The following APCDD1L variants were observed in gnomAD, a reference collection of about 807,000 sequenced individuals.
APCDD1L encodes the protein APC down-regulated 1 like.
A neutral mutation model predicts 24.2 loss-of-function variants in APCDD1L; 21 were observed. That is an observed-to-expected ratio of 0.87 (90% CI 0.61 to 1.25). The LOEUF is 1.25. APCDD1L is among the 50% of genes most tolerant of loss of function. The probability of loss-of-function intolerance (pLI) is 0.00; values close to 1 mark genes in which losing one functional copy is unlikely to be tolerated. For missense variants in APCDD1L, 704 were observed against 711.7 expected, an observed-to-expected ratio of 0.99 and a Z score of 0.12; for synonymous variants, 321 against 323.6, an observed-to-expected ratio of 0.99 and a Z score of 0.09.
chr20:58,475,714 G>A (rs1287490889), intron 1 of APCDD1L, among the ~76,000 whole-genome samples: 1 of 152,054 alleles, frequency 6.6e-6, no homozygotes, highest in Non-Finnish European at 1.5e-5. Context: ...TGAAGCAACA[G>A]GAGTCGATCC....
intron 3 of APCDD1L, among the ~76,000 whole-genome samples, 168 bp downstream of exon 3, chr20:58,466,938 C>T (rs929706414): frequency 1.3e-5 from 2 of 152,202 alleles, no homozygotes; most frequent in South Asian, 2.1e-4. Context: ...GAACAGGGTG[C>T]GCAAATGTCC....
Position 58,497,119 on chromosome 20 carries a change from G to T in APCDD1L, c.49+17540C>A, listed in dbSNP as rs1188970464. 6.6e-6 allele frequency among the ~76,000 whole-genome samples: 1 copy of T among 151,970 alleles called. No homozygotes were observed. The highest frequency in any genetic ancestry group is 1.9e-4 in the East Asian group (1 of 5,172). ...GAAAGACAGGGCTCCAGGGTCAGCA[G>T]CGTGGACACCAGAGGTCACAAGATG... is the stretch of plus-strand genomic sequence containing the variant. On this transcript the variant is annotated intron_variant, in intron 1 of 3. Transcript: ENST00000371149. This position sits in a 1 kb window ranked among gnomAD's most constrained non-coding sequence, Gnocchi z 4.3.
chr20:58,477,737 T>C (rs543965968), intron 1 of APCDD1L, among the ~76,000 whole-genome samples: 1 of 152,360 alleles, frequency 6.6e-6, no homozygotes, highest in South Asian at 2.1e-4. Context: ...ACAATTATTA[T>C]TGGTGGTGTT....
At chr20:58,495,114 C>A (rs1382808153) in intron 1 of APCDD1L, among the ~76,000 whole-genome samples, 1 of 152,178 alleles carries the variant, frequency 6.6e-6, no homozygotes, top group South Asian at 2.1e-4. Flanking sequence ...CTCCTTCAGC[C>A]AAAGGGAGGG....
At position 58,497,848 on chromosome 20, in the gene APCDD1L, A is replaced by C. The variant is rs1000562754; in HGVS notation, c.49+16811T>G. On this transcript the variant is annotated intron_variant, in intron 1 of 3. Transcript: ENST00000371149. The surrounding 1 kb of genome is among the most constrained non-coding windows in gnomAD (Gnocchi z 4.3). Reference sequence around the variant, plus strand: ...GTGCGGCCTCTATTAATAGATTCTCATATTAAAAGCTAAGTCTCATGCAGA... The same window carrying C: ...GTGCGGCCTCTATTAATAGATTCTCCTATTAAAAGCTAAGTCTCATGCAGA... 6.6e-6 allele frequency among the ~76,000 whole-genome samples: 1 copy of C among 152,308 alleles called. No individual in the cohort carries two copies. Among genetic ancestry groups the C allele is most frequent in the Non-Finnish European group, 1.5e-5 (1 of 68,032 alleles).
intron 1 of APCDD1L, among the ~76,000 whole-genome samples, chr20:58,483,479 C>T (rs958535224): frequency 1.3e-5 from 2 of 152,180 alleles, no homozygotes; most frequent in Non-Finnish European, 2.9e-5. Context: ...TCTATTTTGA[C>T]TCAATTCAAT....
At position 58,461,452 on chromosome 20, in the gene APCDD1L, C is replaced by T. The variant is rs567309682; in HGVS notation, c.844G>A (p.Gly282Ser). 6.3e-5 allele frequency: 95 copies of T among 1,500,576 alleles called. No homozygotes were observed. Among genetic ancestry groups the T allele is most frequent in the Middle Eastern group, 3.8e-4 (2 of 5,314 alleles). The allele number at this position is 1,500,576 out of a possible 1,614,324, so 93.0% of individuals were successfully genotyped here. The change falls in exon 4 of 4, where the codon GGC (glycine) becomes AGC (serine). Residue 282 changes from glycine to serine, a missense_variant. By Grantham distance (56) the Gly-to-Ser change is moderately conservative. Coordinates refer to ENST00000371149, the MANE Select transcript of APCDD1L (RefSeq NM_153360.3). The surrounding 1 kb of genome is among the most constrained non-coding windows in gnomAD (Gnocchi z 6.0). ...PPLALPLHLGGWWVSSGCEVR... is the reference protein window; with the variant it reads ...PPLALPLHLGSWWVSSGCEVR... ...TCGCACCCCGAGCTGACCCACCAGC[C>T]GCCCAGGTGCAGGGGCAGGGCCAGA...
chr20:58,511,808 T>C (rs552281941), intron 1 of APCDD1L, among the ~76,000 whole-genome samples: 1 of 152,302 alleles, frequency 6.6e-6, no homozygotes, highest in African/African-American at 2.4e-5. Flanking sequence ...TATTATGGAA[T>C]AGCTTGTGAT....
chr20:58,501,969 C>T (rs1341501040), intron 1 of APCDD1L, among the ~76,000 whole-genome samples: 4 of 152,236 alleles, frequency 2.6e-5, no homozygotes, highest in Admixed American at 2.0e-4. Context: ...TAGGACTGGG[C>T]TGCAATGTGG....
chr20:58,476,603 A>G (rs903465634), intron 1 of APCDD1L, among the ~76,000 whole-genome samples: 1 of 152,254 alleles, frequency 6.6e-6, no homozygotes, highest in Non-Finnish European at 1.5e-5. Context: ...ACATTAATCA[A>G]ATAGACTCAC....
chr20:58,493,930 A>G (rs1990271431), intron 1 of APCDD1L, among the ~76,000 whole-genome samples: 1 of 152,254 alleles, frequency 6.6e-6, no homozygotes, highest in Non-Finnish European at 1.5e-5. Context: ...AATAGTCTAC[A>G]GTTAACCAGA....
chr20:58,460,755 T>G lies in APCDD1L; in HGVS notation c.*35A>C. 1 of 1,507,292 alleles carries G rather than the reference T, an allele frequency of 6.6e-7. No individual in the cohort carries two copies. Among genetic ancestry groups the G allele is most frequent in the Non-Finnish European group, 8.9e-7 (1 of 1,128,064 alleles). 93.4% of individuals were successfully genotyped at this position (1,507,292 alleles called of 1,614,324 possible). On this transcript the variant is annotated 3_prime_UTR_variant, in exon 4 of 4. Coordinates refer to ENST00000371149, the MANE Select transcript of APCDD1L (RefSeq NM_153360.3). This position sits in a 1 kb window ranked among gnomAD's most constrained non-coding sequence, Gnocchi z 4.2. ...GAGGGAGTCTGAAGGGTTGAATGGG[T>G]GTCCAGAGCCGCCATCCTGATGTCA... is the stretch of plus-strand genomic sequence containing the variant.
chr20:58,463,545 TCTC>T (rs1989653195), intron 3 of APCDD1L, among the ~76,000 whole-genome samples: 2 of 152,162 alleles, frequency 1.3e-5, no homozygotes, highest in Non-Finnish European at 2.9e-5. Flanking sequence ...TTCTTCTCCT[TCTC>T]CTATTTTATT....
Position 58,461,249 on chromosome 20 carries a change from G to A in APCDD1L, c.1047C>T (p.Thr349=), listed in dbSNP as rs143309706. 22 of 1,613,344 alleles carry A rather than the reference G, an allele frequency of 1.4e-5. No homozygotes were observed. Among genetic ancestry groups the A allele is most frequent in the African/African-American group, 5.3e-5 (4 of 74,874 alleles). Residue 349 remains threonine (T), a synonymous_variant, in exon 4 of 4, where the codon ACC becomes ACT. Transcript: ENST00000371149. The surrounding 1 kb of genome is among the most constrained non-coding windows in gnomAD (Gnocchi z 6.0). ...CCCGTGTGACCTCAAACACCAGCTC[G>A]GTGCCGCCGCGGACCCTGGTGGATG... is the stretch of plus-strand genomic sequence containing the variant. ...GTPSTRVRGG[T]ELVFEVTRAH...
intron 1 of APCDD1L, among the ~76,000 whole-genome samples, chr20:58,507,048 C>T (rs1169902941): frequency 6.6e-6 from 1 of 152,104 alleles, no homozygotes; most frequent in Non-Finnish European, 1.5e-5. Context: ...ATTGTAACTC[C>T]CACAATTCCC....
chr20:58,478,929 G>T (rs1387091642), intron 1 of APCDD1L, among the ~76,000 whole-genome samples: 2 of 152,052 alleles, frequency 1.3e-5, no homozygotes, highest in African/African-American at 4.8e-5. Context: ...GTGAGCATCA[G>T]ATCATGTCAC....
At chr20:58,486,085 A>G (rs1990113100) in intron 1 of APCDD1L, among the ~76,000 whole-genome samples, 1 of 152,244 alleles carries the variant, frequency 6.6e-6, no homozygotes, top group African/African-American at 2.4e-5. Flanking sequence ...CACCCAATAC[A>G]CAAGTAAGCA....
At chr20:58,476,391 A>G (rs1989910325) in intron 1 of APCDD1L, among the ~76,000 whole-genome samples, 1 of 152,166 alleles carries the variant, frequency 6.6e-6, no homozygotes, top group African/African-American at 2.4e-5. Context: ...GGGTTTCACC[A>G]TGTTAGCCAG....
intron 1 of APCDD1L, among the ~76,000 whole-genome samples, chr20:58,480,602 A>G (rs980591789): frequency 2.0e-5 from 3 of 152,188 alleles, no homozygotes; most frequent in Admixed American, 6.5e-5. Flanking sequence ...GCCACTGAGG[A>G]TAACTCCCCG....
Sources: allele counts gnomAD v4.1 joint callset (sites outside exome capture counted in the v4.1 genomes callset), GRCh38; gene constraint gnomAD v4.1.1; non-coding constraint Gnocchi (gnomAD v3.1); transcripts MANE v1.5; gene names NCBI Gene and HGNC (gene_info 2026-07-23, HGNC 2026-07-21).